GRM7: variants seen among roughly 807,000 people sequenced by gnomAD.
The protein encoded by GRM7 is metabotropic glutamate receptor 7.
In GRM7, 35 loss-of-function variants were observed where a neutral mutation model predicts 84.5. The observed-to-expected ratio is 0.41, with a 90% CI of 0.32 to 0.55. GRM7 has a LOEUF of 0.55. Among genes scored for constraint, GRM7 ranks in the 20% least tolerant of loss-of-function variants. The probability of loss-of-function intolerance (pLI) is 0.19; values close to 1 mark genes in which losing one functional copy is unlikely to be tolerated. For missense variants in GRM7, 1,003 were observed against 1,194.6 expected (o/e 0.84, Z 2.36); for synonymous variants, 487 against 455.1 (o/e 1.07, Z -0.89).
At chr3:7,539,013 C>T (rs1020941823) in intron 7 of GRM7, among the ~76,000 whole-genome samples, 2 of 152,128 alleles carry the variant, frequency 1.3e-5, no homozygotes, top group African/African-American at 2.4e-5. Context: ...AATTAACTGT[C>T]CCTTTGCCAA....
intron 1 of GRM7, among the ~76,000 whole-genome samples, chr3:6,932,134 T>C (rs951172046): frequency 6.6e-6 from 1 of 152,212 alleles, no homozygotes; most frequent in East Asian, 1.9e-4. Flanking sequence ...TATTTGAATG[T>C]TATGTTCTAC....
chr3:7,183,472 CA>C (rs1357862047), intron 2 of GRM7, among the ~76,000 whole-genome samples: 2 of 151,828 alleles, frequency 1.3e-5, no homozygotes, highest in Non-Finnish European at 2.9e-5. Context: ...ACTAAAAATA[CA>C]AAAACTAGCA....
intron 1 of GRM7, among the ~76,000 whole-genome samples, chr3:6,902,966 T>C (rs1696445399): frequency 1.3e-5 from 2 of 152,030 alleles, no homozygotes; most frequent in African/African-American, 2.4e-5. Context: ...CTTGGCATGC[T>C]AACTAATGAT....
intron 1 of GRM7, among the ~76,000 whole-genome samples, chr3:6,971,661 T>C (rs1693763721): frequency 6.6e-6 from 1 of 152,234 alleles, no homozygotes; most frequent in Non-Finnish European, 1.5e-5. Context: ...TCAACTACTA[T>C]TCAGGTTTGT....
chr3:6,891,094 C>T lies in GRM7; in HGVS notation c.519+29187C>T, dbSNP rs564337796. On this transcript the variant is annotated intron_variant, in intron 1 of 9. Transcript: ENST00000357716. Reference sequence around the variant, plus strand: ...GTTTTCCATTTGCTTGGTAGATCTTCCTCCATCCTTTTATTTTGAGCCTAT... The same window carrying T: ...GTTTTCCATTTGCTTGGTAGATCTTTCTCCATCCTTTTATTTTGAGCCTAT... 8.8e-4 allele frequency among the ~76,000 whole-genome samples: 134 copies of T among 152,252 alleles called. 5 individuals carry two copies. The South Asian group carries it at 0.027, about 30-fold the overall frequency.
At chr3:7,386,216 T>G (rs932324027) in intron 4 of GRM7, among the ~76,000 whole-genome samples, 19 of 152,230 alleles carry the variant, frequency 1.2e-4, no homozygotes, top group African/African-American at 3.9e-4. Context: ...AAAAACTTAT[T>G]AATTATACCA....
chr3:7,136,183 CA>C (rs1276250995), intron 1 of GRM7, among the ~76,000 whole-genome samples: 2 of 149,446 alleles, frequency 1.3e-5, no homozygotes, highest in African/African-American at 5.0e-5. Context: ...TATTTTTATT[CA>C]TTTTTTTTTT....
At chr3:7,430,581 T>C (rs1696787098) in intron 5 of GRM7, among the ~76,000 whole-genome samples, 1 of 152,188 alleles carries the variant, frequency 6.6e-6, no homozygotes, top group Admixed American at 6.5e-5. Flanking sequence ...TACCGATCTG[T>C]GCTATACAGC....
chr3:7,033,805 C>T (rs1574815221), intron 1 of GRM7, among the ~76,000 whole-genome samples: 2 of 152,136 alleles, frequency 1.3e-5, no homozygotes, highest in East Asian at 1.9e-4. Context: ...AAAATGGGGA[C>T]AGTTGGTCAC....
intron 2 of GRM7, among the ~76,000 whole-genome samples, chr3:7,236,723 A>C (rs1252288992): frequency 6.6e-6 from 1 of 152,170 alleles, no homozygotes; most frequent in Non-Finnish European, 1.5e-5. Context: ...CAATCACAAG[A>C]TATGTGAATG....
At chr3:7,262,145 T>A (rs766026650) in intron 2 of GRM7, among the ~76,000 whole-genome samples, 27 of 151,752 alleles carry the variant, frequency 1.8e-4, no homozygotes, top group Non-Finnish European at 3.1e-4. Context: ...TGGTTATGTG[T>A]CTTAGGGATC....
At chr3:7,677,274 A>AAC (rs1553635840) in intron 8 of GRM7, among the ~76,000 whole-genome samples, 190 of 127,438 alleles carry the variant, frequency 1.5e-3, no homozygotes, top group African/African-American at 5.3e-3. Flanking sequence ...AAAAAAAAAA[A>AAC]AAAAAAAAAA....
intron 1 of GRM7, among the ~76,000 whole-genome samples, chr3:7,044,254 G>A (rs1163583573): frequency 6.6e-6 from 1 of 152,052 alleles, no homozygotes; most frequent in Non-Finnish European, 1.5e-5. Context: ...TGCACCTACT[G>A]TATGACCATT....
In GRM7 at chr3:6,861,448, G is replaced by T; in HGVS notation, c.60G>T (p.Val20=). The change falls in exon 1 of 10, where the codon GTG becomes GTT. Residue 20 remains valine, a synonymous_variant. Coordinates refer to ENST00000357716, the MANE Select transcript of GRM7 (RefSeq NM_000844.4). The surrounding 1 kb of genome is among the most constrained non-coding windows in gnomAD (Gnocchi z 6.4). The part of the protein sequence containing the change: ...VLTLMKFPCC[V]LEVLLCALAA... ...CTTTGATGAAGTTCCCCTGCTGCGT[G>T]CTGGAGGTGCTCCTGTGCGCGCTGG... 1 of 1,602,766 alleles carries T rather than the reference G, an allele frequency of 6.2e-7. No homozygotes were observed. Among genetic ancestry groups the T allele is most frequent in the South Asian group, 1.1e-5 (1 of 89,360 alleles).
intron 2 of GRM7, among the ~76,000 whole-genome samples, chr3:7,189,661 G>C (rs1695642255): frequency 6.6e-6 from 1 of 152,152 alleles, no homozygotes; most frequent in Admixed American, 6.5e-5. Flanking sequence ...TGGGATAATA[G>C]ACCCAGGGAA....
intron 1 of GRM7, among the ~76,000 whole-genome samples, chr3:6,891,908 A>G (rs898724969): frequency 1.3e-5 from 2 of 152,016 alleles, no homozygotes; most frequent in African/African-American, 4.8e-5. Context: ...ATAGTCCCAT[A>G]TTTCTTGGAT....
chr3:6,963,675 A>G (rs1693390563), intron 1 of GRM7, among the ~76,000 whole-genome samples: 1 of 152,184 alleles, frequency 6.6e-6, no homozygotes, highest in Admixed American at 6.5e-5. Context: ...TATGTTTAGC[A>G]TTTTTAAAAT....
intron 5 of GRM7, among the ~76,000 whole-genome samples, chr3:7,436,328 C>A (rs1697055850): frequency 6.6e-6 from 1 of 151,984 alleles, no homozygotes; most frequent in South Asian, 2.1e-4. Flanking sequence ...GTTCAGCAGA[C>A]TTTTTCTGAA....
At chr3:6,888,017 C>A (rs1695771893) in intron 1 of GRM7, among the ~76,000 whole-genome samples, 2 of 152,158 alleles carry the variant, frequency 1.3e-5, no homozygotes, top group South Asian at 4.1e-4. Flanking sequence ...TTTTTGGCTG[C>A]ATAAATGTCT....
Sources: gnomAD v4.1 joint callset for allele counts (sites outside exome capture counted in the v4.1 genomes callset) on GRCh38, gnomAD v4.1.1 for gene constraint, Gnocchi (gnomAD v3.1) non-coding constraint, MANE v1.5 for transcripts, NCBI Gene and HGNC (gene_info 2026-07-23, HGNC 2026-07-21) for gene names.